Variants in MGAT5 observed in about 807,000 individuals in gnomAD.
MGAT5 encodes alpha-1,6-mannosylglycoprotein 6-beta-N-acetylglucosaminyltransferase A.
Under a neutral mutation model 94.3 loss-of-function variants are expected in MGAT5, and 30 were observed. The observed-to-expected ratio is 0.32, with a 90% confidence interval of 0.24 to 0.43. The LOEUF (loss-of-function observed/expected upper bound fraction) is 0.43, where lower values mean the gene tolerates loss of function less well. MGAT5 is among the 20% of genes least tolerant of loss of function. The pLI is 1.00. For missense variants in MGAT5, 691 were observed against 905.5 expected, an observed-to-expected ratio of 0.76 and a Z score of 3.04; for synonymous variants, 310 against 322.9, an observed-to-expected ratio of 0.96 and a Z score of 0.43.
intron 1 of MGAT5, among the ~76,000 whole-genome samples, chr2:134,203,767 G>A (rs1679907024): frequency 6.6e-6 from 1 of 151,986 alleles, no homozygotes; most frequent in African/African-American, 2.4e-5. Flanking sequence ...AGGATGAATT[G>A]TATTCATTTT....
intron 14 of MGAT5, among the ~76,000 whole-genome samples, chr2:134,430,095 G>C (rs1191055683): frequency 2.0e-5 from 3 of 152,202 alleles, no homozygotes; most frequent in Non-Finnish European, 2.9e-5. Flanking sequence ...GCTGCAAAGA[G>C]GAGTTGCAGG....
At chr2:134,338,175 A>G (rs1428049402) in intron 5 of MGAT5, 84 bp from the exon 6 acceptor site, 1 of 1,167,374 alleles carries the variant, frequency 8.6e-7, no homozygotes, top group African/African-American at 1.6e-5. Flanking sequence ...TAACCCTTTT[A>G]AGTTTTCAGA....
At chr2:134,271,315 C>T (rs993473925) in intron 2 of MGAT5, among the ~76,000 whole-genome samples, 1 of 151,976 alleles carries the variant, frequency 6.6e-6, no homozygotes, top group African/African-American at 2.4e-5. Context: ...AGGGTGACCA[C>T]GATTTTCTGG....
chr2:134,421,065 A>G (rs1475800891), intron 12 of MGAT5, among the ~76,000 whole-genome samples: 1 of 152,196 alleles, frequency 6.6e-6, no homozygotes, highest in Non-Finnish European at 1.5e-5. Flanking sequence ...GTATGCCCAC[A>G]TATAAATAGA....
chr2:134,174,366 A>C (rs1157926330), intron 1 of MGAT5, among the ~76,000 whole-genome samples: 1 of 152,280 alleles, frequency 6.6e-6, no homozygotes, highest in African/African-American at 2.4e-5. Flanking sequence ...GAATGGATTT[A>C]GTTACTGTGG....
intron 1 of MGAT5, among the ~76,000 whole-genome samples, chr2:134,163,697 A>T (rs1206723514): frequency 2.0e-5 from 3 of 152,182 alleles, no homozygotes; most frequent in Non-Finnish European, 4.4e-5. Context: ...TGTTATTAGA[A>T]AATTCTCCAC....
intron 14 of MGAT5, among the ~76,000 whole-genome samples, chr2:134,432,874 C>T (rs556915876): frequency 3.3e-5 from 5 of 152,318 alleles, no homozygotes; most frequent in South Asian, 4.1e-4. Flanking sequence ...GCCTTCGCTA[C>T]GAGTTGCCGC....
At chr2:134,225,678 T>TAC (rs1681024066) in intron 1 of MGAT5, among the ~76,000 whole-genome samples, 1 of 152,210 alleles carries the variant, frequency 6.6e-6, no homozygotes, top group Non-Finnish European at 1.5e-5. Context: ...GCCTGTTGTA[T>TAC]ACAGTCATTA....
chr2:134,368,651 AACTGAATCGTGCT>A (rs2106143798), intron 10 of MGAT5, among the ~76,000 whole-genome samples: 1 of 152,328 alleles, frequency 6.6e-6, no homozygotes, highest in Admixed American at 6.5e-5. Context: ...CTAAAATGCA[AACTGAATCGTGCT>A]ACTCCTTTGC....
chr2:134,327,707 G>A (rs2105938097), intron 4 of MGAT5, among the ~76,000 whole-genome samples: 1 of 152,208 alleles, frequency 6.6e-6, no homozygotes, highest in Non-Finnish European at 1.5e-5. Flanking sequence ...AGAAAGTGAA[G>A]CCGTGGATAA....
At chr2:134,415,407 T>G (rs544354319) in intron 12 of MGAT5, among the ~76,000 whole-genome samples, 3 of 152,342 alleles carry the variant, frequency 2.0e-5, no homozygotes, top group South Asian at 4.1e-4. Context: ...GTTTGCCTTG[T>G]GTATGTCTTC....
chr2:134,189,604 T>TTTGTTTTGTTTTGTTTTG (rs1221722320), intron 1 of MGAT5, among the ~76,000 whole-genome samples: 3 of 105,810 alleles, frequency 2.8e-5, no homozygotes, highest in African/African-American at 4.5e-5. Flanking sequence ...TTTTTTTTGT[T>TTTGTTTTGTTTTGTTTTG]TTTTTTTTTT....
rs369673226 is a variant in MGAT5, at chr2:134,129,779, C to T, written c.-143+9488C>T. On this transcript the variant is annotated intron_variant, in intron 1 of 16. Transcript: ENST00000409645. ...TGTGAGCCATCCTACTGAGAGGTGA[C>T]AATGTGCTAGCAGCCCTCGCTCGCT... Among the ~76,000 whole-genome samples, 27 of 152,034 alleles carry T rather than the reference C, an allele frequency of 1.8e-4. 1 individual carries two copies. The highest frequency in any genetic ancestry group is 1.4e-3 in the East Asian group (7 of 5,162).
At chr2:134,301,451 C>G (rs74359532) in intron 2 of MGAT5, among the ~76,000 whole-genome samples, 1,640 of 152,170 alleles carry the variant, frequency 0.011, 13 homozygotes, top group Non-Finnish European at 0.017. Context: ...CTCTTTCATT[C>G]TTAATATTAC....
intron 1 of MGAT5, among the ~76,000 whole-genome samples, chr2:134,141,325 G>A (rs1349297251): frequency 6.6e-6 from 1 of 152,202 alleles, no homozygotes. Context: ...GATATGGGGG[G>A]ATGTGGTGGT....
chr2:134,130,349 T>C (rs1686089666), intron 1 of MGAT5, among the ~76,000 whole-genome samples: 1 of 149,612 alleles, frequency 6.7e-6, no homozygotes, highest in Non-Finnish European at 1.5e-5. Context: ...CACCCCTTGC[T>C]CTGCTGCGCC....
chr2:134,417,906 C>G (rs926909309), intron 12 of MGAT5, among the ~76,000 whole-genome samples: 5 of 152,118 alleles, frequency 3.3e-5, no homozygotes, highest in Admixed American at 1.3e-4. Context: ...TTCTGATTCC[C>G]TCATGATTTT....
chr2:134,310,734 C>T (rs1304711740), intron 2 of MGAT5, among the ~76,000 whole-genome samples: 1 of 152,154 alleles, frequency 6.6e-6, no homozygotes, highest in African/African-American at 2.4e-5. Context: ...GTAAAGCATT[C>T]CTAAATGAAT....
At chr2:134,251,198 C>CAAAA (rs569492298), upstream of MGAT5, among the ~76,000 whole-genome samples, 383 of 136,332 alleles carry the variant, frequency 2.8e-3, 1 homozygote, top group African/African-American at 9.5e-3. Flanking sequence ...TATGGGTTAT[C>CAAAA]AAAAAAAAAA....
Sources: allele counts gnomAD v4.1 joint callset (sites outside exome capture counted in the v4.1 genomes callset), GRCh38; gene constraint gnomAD v4.1.1; transcripts MANE v1.5; gene names NCBI Gene and HGNC (gene_info 2026-07-23, HGNC 2026-07-21).